Variants in TLL1 observed in about 807,000 individuals in gnomAD.
The protein encoded by TLL1 is tolloid-like protein 1.
TLL1 carries 49 observed loss-of-function variants against 128.2 expected under a neutral mutation model. The ratio of observed to expected loss-of-function variants is 0.38; its 90% CI spans 0.30 to 0.48. TLL1 has a LOEUF of 0.48. Ranked by LOEUF, TLL1 falls within the 20% of genes least tolerant of loss-of-function variation. The pLI is 0.96. For missense variants in TLL1, 1,123 were observed against 1,242.0 expected (o/e 0.90, Z 1.44); for synonymous variants, 454 against 418.8 (o/e 1.08, Z -1.03).
chr4:165,873,669 C>A lies in TLL1; in HGVS notation c.-236C>A. The A allele has an allele frequency of 2.0e-6, 1 of 506,192 alleles. No homozygotes were observed. The highest frequency in any genetic ancestry group is 3.6e-6 in the Non-Finnish European group (1 of 281,366). The allele number at this position is 506,192 out of a possible 1,614,324, so 31.4% of individuals were successfully genotyped here. A position where few individuals can be genotyped will look rare whatever the true frequency, so the allele number is the denominator to read the frequency against. On this transcript the variant is annotated 5_prime_UTR_variant, in exon 1 of 21. Transcript: ENST00000061240. ...TGCAGAGTTCCTTACCTGCCCTCCG[C>A]CCACCCGTGGGCCCCTAGCCAACTT...
intron 1 of TLL1, among the ~76,000 whole-genome samples, chr4:165,969,008 G>C (rs917933415): frequency 3.3e-5 from 5 of 152,160 alleles, no homozygotes; most frequent in African/African-American, 7.2e-5. Context: ...ATTTCACATT[G>C]AGATGCTTTG....
intron 1 of TLL1, among the ~76,000 whole-genome samples, chr4:165,983,480 C>G (rs1736244820): frequency 6.6e-6 from 1 of 151,798 alleles, no homozygotes; most frequent in Admixed American, 6.6e-5. Context: ...AACTAACAAA[C>G]ATCATGAAAA....
At chr4:165,900,641 G>A (rs564658657) in intron 1 of TLL1, among the ~76,000 whole-genome samples, 6 of 151,790 alleles carry the variant, frequency 4.0e-5, no homozygotes, top group South Asian at 4.2e-4. Flanking sequence ...CGGATAACCC[G>A]ATCTTTCTCT....
At chr4:166,063,343 A>C (rs2111122442) in intron 15 of TLL1, among the ~76,000 whole-genome samples, 2 of 152,316 alleles carry the variant, frequency 1.3e-5, no homozygotes, top group South Asian at 4.1e-4. Flanking sequence ...AGGAAACCAC[A>C]GGTGCTGGAG....
intron 1 of TLL1, among the ~76,000 whole-genome samples, chr4:165,890,128 C>G (rs974444230): frequency 3.9e-4 from 60 of 152,228 alleles, no homozygotes; most frequent in Middle Eastern, 3.4e-3. Context: ...CATTAGGTCT[C>G]ATGAGAACTC....
chr4:166,044,717 T>C (rs1739386699), intron 12 of TLL1, among the ~76,000 whole-genome samples: 1 of 152,054 alleles, frequency 6.6e-6, no homozygotes, highest in Non-Finnish European at 1.5e-5. Flanking sequence ...GTAGAAAAAT[T>C]TCACCCATGA....
intron 5 of TLL1, 103 bp downstream of exon 5, chr4:165,995,281 T>G: frequency 2.1e-6 from 2 of 945,242 alleles, no homozygotes; most frequent in Non-Finnish European, 3.4e-6. Context: ...TTGCTTTGTA[T>G]TTTGGCCATG....
intron 7 of TLL1, among the ~76,000 whole-genome samples, chr4:166,009,636 C>T (rs557961496): frequency 5.3e-4 from 80 of 151,516 alleles, no homozygotes; most frequent in African/African-American, 1.9e-3. Context: ...TTTTACAATA[C>T]AGGAGATCAT....
intron 8 of TLL1, among the ~76,000 whole-genome samples, chr4:166,021,647 G>T (rs368769509): frequency 1.3e-5 from 2 of 152,062 alleles, no homozygotes; most frequent in South Asian, 4.1e-4. Context: ...TGGCCAGAAT[G>T]GTCTTGATCT....
chr4:166,003,402 A>G lies in TLL1; in HGVS notation c.644A>G (p.Tyr215Cys). 1.9e-6 allele frequency: 3 copies of G among 1,613,896 alleles called. No individual in the cohort carries two copies. Among genetic ancestry groups the G allele is most frequent in the Middle Eastern group, 1.6e-4 (1 of 6,062 alleles). ...FTYRPCGCCSYVGRRGNGPQA... is the reference protein window; with the variant it reads ...FTYRPCGCCSCVGRRGNGPQA... ...CTCTTTTATTCCAGATGCTGCTCCT[A>G]TGTAGGTCGGCGAGGAAATGGACCT... Residue 215 changes from tyrosine (Y) to cysteine (C), a missense_variant, in exon 6 of 21, where the codon TAT becomes TGT. This residue lies in a region of TLL1 where 480 missense variants were observed against 542.4 expected (regional missense o/e 0.89). Transcript: ENST00000061240.
chr4:165,975,662 G>A (rs1405699947), intron 1 of TLL1, among the ~76,000 whole-genome samples: 1 of 152,074 alleles, frequency 6.6e-6, no homozygotes, highest in African/African-American at 2.4e-5. Context: ...GAACTAAGGG[G>A]TTTCTTTGAC....
chr4:166,064,749 A>G (rs1462883891), intron 15 of TLL1, among the ~76,000 whole-genome samples: 1 of 152,102 alleles, frequency 6.6e-6, no homozygotes, highest in Non-Finnish European at 1.5e-5. Context: ...GGAACTCTCC[A>G]AACAAAAATT....
At chr4:165,931,520 C>A (rs752346489) in intron 1 of TLL1, among the ~76,000 whole-genome samples, 67 of 151,692 alleles carry the variant, frequency 4.4e-4, no homozygotes, top group Admixed American at 9.9e-4. Context: ...AGATTGAGAC[C>A]TCCTGGCCAA....
chr4:165,965,115 T>C (rs1257294702), intron 1 of TLL1, among the ~76,000 whole-genome samples: 1 of 152,140 alleles, frequency 6.6e-6, no homozygotes, highest in Non-Finnish European at 1.5e-5. Context: ...AAACTGCATT[T>C]TTAGTCTGTC....
intron 1 of TLL1, among the ~76,000 whole-genome samples, chr4:165,957,484 C>A (rs1734861811): frequency 6.6e-6 from 1 of 150,768 alleles, no homozygotes; most frequent in African/African-American, 2.4e-5. Flanking sequence ...TTTTTTTTTA[C>A]CTTTTTAAAT....
At chr4:165,891,441 G>A (rs910270602) in intron 1 of TLL1, among the ~76,000 whole-genome samples, 1 of 152,204 alleles carries the variant, frequency 6.6e-6, no homozygotes, top group African/African-American at 2.4e-5. Flanking sequence ...CTTTGTGAAT[G>A]AATAAAACTG....
rs571954779 is a variant in TLL1 at position 166,070,124 on chromosome 4, T to A, written c.2188+4261T>A. ...CGACTAAATGAGATTTGTTGCTAGATTAACAATAATGATTTCATTTATGTG... is the reference window on the plus strand; with the variant it reads ...CGACTAAATGAGATTTGTTGCTAGAATAACAATAATGATTTCATTTATGTG... On this transcript the variant is annotated intron_variant, in intron 16 of 20. Transcript: ENST00000061240. Among the ~76,000 whole-genome samples the A allele has an allele frequency of 2.4e-4, 37 of 151,942 alleles. 1 individual carries two copies. In the South Asian group the frequency reaches 7.0e-3, roughly 29 times the overall value.
At chr4:165,911,512 A>G (rs955658929) in intron 1 of TLL1, among the ~76,000 whole-genome samples, 1 of 152,204 alleles carries the variant, frequency 6.6e-6, no homozygotes, top group Admixed American at 6.5e-5. Flanking sequence ...TAATCACTAA[A>G]TACATCTGCT....
chr4:165,923,946 T>C (rs1235967450), intron 1 of TLL1, among the ~76,000 whole-genome samples: 1 of 152,204 alleles, frequency 6.6e-6, no homozygotes, highest in African/African-American at 2.4e-5. Flanking sequence ...CTGGGATTGA[T>C]GATCTTTGAT....
Sources: gnomAD v4.1 joint callset for allele counts (sites outside exome capture counted in the v4.1 genomes callset) on GRCh38, gnomAD v4.1.1 for gene constraint, gnomAD v4.1.1 regional missense constraint, MANE v1.5 for transcripts, NCBI Gene and HGNC (gene_info 2026-07-23, HGNC 2026-07-21) for gene names.